Variants in CELF4 observed in about 807,000 individuals in gnomAD.
CELF4 encodes the protein CUG-BP- and ETR-3-like factor 4.
In CELF4, 18 loss-of-function variants were observed where a neutral mutation model predicts 59.9. The ratio of observed to expected loss-of-function variants is 0.30; its 90% CI spans 0.21 to 0.45. CELF4 has a LOEUF of 0.45. Ranked by LOEUF, CELF4 falls within the 20% of genes least tolerant of loss-of-function variation. The probability of loss-of-function intolerance (pLI) is 1.00; values close to 1 mark genes in which losing one functional copy is unlikely to be tolerated. For missense variants in CELF4, 456 were observed against 689.0 expected (o/e 0.66, Z 3.79); for synonymous variants, 261 against 267.1 (o/e 0.98, Z 0.22).
At chr18:37,270,652 T>A in intron 8 of CELF4, 116 bp downstream of exon 8, 1 of 1,270,496 alleles carries the variant, frequency 7.9e-7, no homozygotes, top group Non-Finnish European at 1.1e-6. Flanking sequence ...CACTTGGGGT[T>A]TCATCAAGGA....
At chr18:37,343,240 C>G (rs143238864) in intron 2 of CELF4, among the ~76,000 whole-genome samples, 1 of 151,686 alleles carries the variant, frequency 6.6e-6, no homozygotes, top group Non-Finnish European at 1.5e-5. Context: ...GGAATGACTG[C>G]GTCTGTGTCC....
chr18:37,271,585 C>G (rs1382579421), intron 7 of CELF4, among the ~76,000 whole-genome samples: 1 of 152,162 alleles, frequency 6.6e-6, no homozygotes, highest in African/African-American at 2.4e-5. Context: ...TGCTCTTACT[C>G]TCTTCAGCTA....
chr18:37,510,273 C>G (rs899935047), intron 1 of CELF4, among the ~76,000 whole-genome samples: 2 of 152,234 alleles, frequency 1.3e-5, no homozygotes, highest in African/African-American at 4.8e-5. Flanking sequence ...CCTCAGTGCA[C>G]AGTTCCTCAG....
At chr18:37,471,143 C>T (rs960926449) in intron 2 of CELF4, among the ~76,000 whole-genome samples, 1 of 152,044 alleles carries the variant, frequency 6.6e-6, no homozygotes, top group African/African-American at 2.4e-5. Context: ...CCTCCACCAG[C>T]AGGACTTGCC....
At chr18:37,482,257 C>T (rs558229320) in intron 2 of CELF4, among the ~76,000 whole-genome samples, 2 of 152,144 alleles carry the variant, frequency 1.3e-5, no homozygotes, top group South Asian at 4.2e-4. Flanking sequence ...TGTTGACTGT[C>T]CCCTGTGAAT....
intron 4 of CELF4, 96 bp downstream of exon 4, chr18:37,275,019 A>G: frequency 6.5e-7 from 1 of 1,548,650 alleles, no homozygotes; most frequent in Non-Finnish European, 8.8e-7. Context: ...GCCCAGAGAC[A>G]GACGGCGATG....
At chr18:37,364,034 A>T (rs1215124338) in intron 2 of CELF4, among the ~76,000 whole-genome samples, 1 of 152,214 alleles carries the variant, frequency 6.6e-6, no homozygotes, top group Non-Finnish European at 1.5e-5. Flanking sequence ...TGAAAAAGGG[A>T]TAGGGGCACA....
intron 10 of CELF4, among the ~76,000 whole-genome samples, chr18:37,260,932 C>G (rs945528018): frequency 6.6e-6 from 1 of 152,106 alleles, no homozygotes; most frequent in Non-Finnish European, 1.5e-5. Context: ...TCCCTCACCC[C>G]CTTCCAGGGG....
intron 3 of CELF4, among the ~76,000 whole-genome samples, chr18:37,312,127 A>G (rs1441927606): frequency 1.7e-4 from 19 of 111,964 alleles, no homozygotes; most frequent in African/African-American, 4.0e-4. Context: ...AAAAAAAAAA[A>G]AAAGAAAAAA....
At chr18:37,312,110 CAAAAAAAAAAAAAAAAAAAAG>C (rs1603446507) in intron 3 of CELF4, among the ~76,000 whole-genome samples, 1 of 50,796 alleles carries the variant, frequency 2.0e-5, no homozygotes, top group Non-Finnish European at 4.0e-5. Context: ...GATTCCGTCT[CAAAAAAAAAAAAAAAAAAAAG>C]AAAAAAAAAA....
chr18:37,258,965 G>A lies in CELF4; in HGVS notation c.1333+216C>T, dbSNP rs1450352571. 2.4e-5 allele frequency: 15 copies of A among 626,434 alleles called. No homozygotes were observed. The Middle Eastern group carries it at 1.1e-3, about 47-fold the overall frequency. The allele number at this position is 626,434 out of a possible 1,614,324, so 38.8% of individuals were successfully genotyped here. On this transcript the variant is annotated intron_variant, in intron 11 of 12. Transcript: ENST00000420428. ...AAGCCAAGAAGCAAAAGGAGTAGTG[G>A]GAGAGAGAAGGGTGAGATGAGGCTG...
At chr18:37,368,213 C>A (rs1015007321) in intron 2 of CELF4, among the ~76,000 whole-genome samples, 9 of 152,160 alleles carry the variant, frequency 5.9e-5, no homozygotes, top group African/African-American at 1.9e-4. Flanking sequence ...CCCTGCCCCC[C>A]AGCCCAACTT....
chr18:37,563,624 G>A lies in CELF4; in HGVS notation c.286+1732C>T, dbSNP rs185077736. On this transcript the variant is annotated intron_variant, in intron 1 of 12. Coordinates refer to ENST00000420428, the MANE Select transcript of CELF4 (RefSeq NM_020180.4). ...TTTTTCTTCGAATATTATTTTGAAG[G>A]CTGCCTCCCCGTTCCACCTTTCCAA... Among the ~76,000 whole-genome samples, 27 of 152,188 alleles carry A rather than the reference G, an allele frequency of 1.8e-4. 1 individual carries two copies. Among genetic ancestry groups the A allele is most frequent in the African/African-American group, 6.3e-4 (26 of 41,534 alleles).
chr18:37,550,451 G>A (rs2099982826), intron 1 of CELF4, among the ~76,000 whole-genome samples: 1 of 152,212 alleles, frequency 6.6e-6, no homozygotes, highest in Non-Finnish European at 1.5e-5. Flanking sequence ...AAGGGAGCAT[G>A]AACCAAGAAG....
At chr18:37,333,073 C>T (rs1045879095) in intron 2 of CELF4, among the ~76,000 whole-genome samples, 2 of 152,212 alleles carry the variant, frequency 1.3e-5, no homozygotes, top group Non-Finnish European at 2.9e-5. Context: ...TTTTAAATAA[C>T]AGTAGTGGAT....
At chr18:37,462,793 G>GT (rs33987730) in intron 2 of CELF4, among the ~76,000 whole-genome samples, 20,975 of 146,052 alleles carry the variant, frequency 0.14, 1,556 homozygotes, top group Middle Eastern at 0.24. Context: ...ACATTATGAG[G>GT]TTTTTTTTTT....
At chr18:37,496,724 G>C (rs1029664714) in intron 1 of CELF4, among the ~76,000 whole-genome samples, 1 of 152,168 alleles carries the variant, frequency 6.6e-6, no homozygotes, top group Non-Finnish European at 1.5e-5. Flanking sequence ...GTCGATAGAG[G>C]GTGTCTTTCT....
Position 37,353,233 on chromosome 18 carries a change from A to AAT in CELF4, c.370-31354_370-31353dup, listed in dbSNP as rs1557327923. 8.9e-3 allele frequency among the ~76,000 whole-genome samples: 954 copies of AAT among 106,938 alleles called. 22 individuals carry two copies. The highest frequency in any genetic ancestry group is 0.028 in the African/African-American group (788 of 28,148). 70.2% of individuals were successfully genotyped at this position (106,938 alleles called of 152,430 possible). On this transcript the variant is annotated intron_variant, in intron 2 of 12. Coordinates refer to ENST00000420428, the MANE Select transcript of CELF4 (RefSeq NM_020180.4). Reference sequence around the variant, plus strand: ...GAGACTCCGTCTCAAAAAAAAAAAAAATATATATATATATATACATAAAAG... The same window carrying AAT: ...GAGACTCCGTCTCAAAAAAAAAAAAAATATATATATATATATATACATAAAAG...
intron 1 of CELF4, among the ~76,000 whole-genome samples, chr18:37,535,575 C>T (rs541495862): frequency 2.0e-4 from 31 of 152,176 alleles, no homozygotes; most frequent in Non-Finnish European, 4.0e-4. Context: ...ACATGGTACA[C>T]GCTCCCCTGT....
Sources: allele counts gnomAD v4.1 joint callset (sites outside exome capture counted in the v4.1 genomes callset), GRCh38; gene constraint gnomAD v4.1.1; transcripts MANE v1.5; gene names NCBI Gene and HGNC (gene_info 2026-07-23, HGNC 2026-07-21).